VAMP7: variants seen among roughly 807,000 people sequenced by gnomAD.
VAMP7 encodes vesicle associated membrane protein 7, also known as vesicle-associated membrane protein 7.
A neutral mutation model predicts 29.6 loss-of-function variants in VAMP7; 14 were observed. That is an observed-to-expected ratio of 0.47 (90% CI 0.31 to 0.74). The LOEUF (loss-of-function observed/expected upper bound fraction) is 0.74, where lower values mean the gene tolerates loss of function less well. VAMP7 is among the 30% of genes least tolerant of loss of function. The pLI is 0.05. For synonymous variants in VAMP7, 95 were observed against 88.1 expected (o/e 1.08, Z -0.44); for missense variants, 223 against 262.4 (o/e 0.85, Z 1.04).
chrX:155,899,026 TTATC>T (rs2124269830), intron 4 of VAMP7, among the ~76,000 whole-genome samples: 1 of 152,184 alleles, frequency 6.6e-6, no homozygotes, highest in South Asian at 2.1e-4. Flanking sequence ...CACAATTTGT[TTATC>T]CATCCACCTG....
intron 6 of VAMP7, among the ~76,000 whole-genome samples, chrX:155,932,224 G>T (rs1414715973): frequency 3.9e-5 from 6 of 152,280 alleles, no homozygotes; most frequent in South Asian, 2.1e-4. Flanking sequence ...CTTTAAAGTA[G>T]TTTTTTCCAA....
Position 155,941,978 on chromosome X carries a change from G to T in VAMP7, c.*27G>T, listed in dbSNP as rs766605651. 3.1e-6 allele frequency: 5 copies of T among 1,613,568 alleles called. No homozygotes were observed. In the Admixed American group the frequency reaches 5.0e-5, roughly 16 times the overall value. On this transcript the variant is annotated 3_prime_UTR_variant, in exon 8 of 8. Coordinates refer to ENST00000286448, the MANE Select transcript of VAMP7 (RefSeq NM_005638.6). ...AAAGAAGAAGTTACCATTAACCAAG[G>T]ATATGAGAGAACAAGGAGTTAAAAG... is the stretch of plus-strand genomic sequence containing the variant.
chrX:155,881,414 C>T lies in VAMP7; in HGVS notation c.-44C>T, dbSNP rs28413172. 29,399 of 152,218 alleles carry T rather than the reference C, an allele frequency of 0.19. 3,545 individuals are homozygous for T. Among genetic ancestry groups the T allele is most frequent in the Non-Finnish European group, 0.27 (18,356 of 68,050 alleles). 9.4% of individuals were successfully genotyped at this position (152,218 alleles called of 1,614,324 possible). ...CTGCACTGACCCGCGTCCCTCCGTC[C>T]CGAGCCCGCGCGCCCTCAGAGGGTG... is the stretch of plus-strand genomic sequence containing the variant. On this transcript the variant is annotated 5_prime_UTR_variant, in exon 1 of 8. Transcript: ENST00000286448.
At chrX:155,884,348 A>G (rs902237348) in intron 1 of VAMP7, among the ~76,000 whole-genome samples, 2 of 151,854 alleles carry the variant, frequency 1.3e-5, no homozygotes, top group African/African-American at 4.8e-5. Context: ...GCTGGTCTCG[A>G]ACTCCTGACC....
At chrX:155,928,284 A>G (rs1239775210) in intron 6 of VAMP7, among the ~76,000 whole-genome samples, 1 of 152,162 alleles carries the variant, frequency 6.6e-6, no homozygotes, top group African/African-American at 2.4e-5. Flanking sequence ...ATATATGGTT[A>G]TTAGCTTTCT....
chrX:155,931,828 T>C (rs193029038), intron 6 of VAMP7, among the ~76,000 whole-genome samples: 1 of 152,206 alleles, frequency 6.6e-6, no homozygotes, highest in East Asian at 1.9e-4. Flanking sequence ...TTCTAGGGTT[T>C]TTATGGTTTT....
chrX:155,941,926 C>T lies in VAMP7; in HGVS notation c.638C>T (p.Thr213Ile). The change falls in exon 8 of 8, where the codon ACA (threonine) becomes ATA (isoleucine). Residue 213 changes from threonine to isoleucine, a missense_variant. Thr to Ile is a moderately conservative substitution (Grantham distance 89). Transcript: ENST00000286448. The stretch of plus-strand genomic sequence containing the variant: ...GTTTCACCTCTCTGTGGTGGATTTA[C>T]ATGGCCAAGCTGTGTGAAGAAATAG... ...IIVSPLCGGF[T>I]WPSCVKK 2 of 1,613,760 alleles carry T rather than the reference C, an allele frequency of 1.2e-6. No homozygotes were observed. The highest frequency in any genetic ancestry group is 1.7e-6 in the Non-Finnish European group (2 of 1,179,788).
At chrX:155,938,135 C>T (rs2066689975) in intron 6 of VAMP7, among the ~76,000 whole-genome samples, 1 of 152,064 alleles carries the variant, frequency 6.6e-6, no homozygotes, top group Non-Finnish European at 1.5e-5. Context: ...TTTTTTATTA[C>T]TGTTATTCTA....
chrX:155,934,882 G>T (rs1015445846), intron 6 of VAMP7, among the ~76,000 whole-genome samples: 29 of 88,800 alleles, frequency 3.3e-4, no homozygotes, highest in Non-Finnish European at 6.1e-4. Flanking sequence ...AGGAGCTCTT[G>T]TAAGGCAGGC....
In VAMP7 at chrX:155,915,631, C is replaced by T. The variant is rs766850404; in HGVS notation, c.434-4182C>T. On this transcript the variant is annotated intron_variant, in intron 5 of 7. Coordinates refer to ENST00000286448, the MANE Select transcript of VAMP7 (RefSeq NM_005638.6). The stretch of plus-strand genomic sequence containing the variant: ...TTAATTTTGTTATTTACCCAGTAGT[C>T]ATTCAGGAACAGGTTGTTCATTTTC... Among the ~76,000 whole-genome samples the T allele has an allele frequency of 2.0e-5, 3 of 152,264 alleles. No homozygotes were observed. In the South Asian group the frequency reaches 6.2e-4, roughly 32 times the overall value.
chrX:155,890,149 G>T lies in VAMP7; in HGVS notation c.146+537G>T, dbSNP rs146266441. Among the ~76,000 whole-genome samples the T allele has an allele frequency of 1.4e-4, 21 of 152,070 alleles. 1 individual carries two copies. The East Asian group carries it at 2.5e-3, about 18-fold the overall frequency. Reference sequence around the variant, plus strand: ...CAGGTAGAGAAGTATGGAGGCATGAGATCATAGGGCGGGCATATTTAGGGA... The same window carrying T: ...CAGGTAGAGAAGTATGGAGGCATGATATCATAGGGCGGGCATATTTAGGGA... On this transcript the variant is annotated intron_variant, in intron 2 of 7. Transcript: ENST00000286448.
At chrX:155,881,765 CAG>C (rs1290740667) in intron 1 of VAMP7, among the ~76,000 whole-genome samples, 6 of 152,146 alleles carry the variant, frequency 3.9e-5, no homozygotes, top group Admixed American at 6.5e-5. Context: ...TTGAGATCGC[CAG>C]AGTCTTCTAA....
intron 6 of VAMP7, among the ~76,000 whole-genome samples, chrX:155,926,302 TTAGTA>T (rs1390590230): frequency 6.6e-6 from 1 of 152,232 alleles, no homozygotes; most frequent in Non-Finnish European, 1.5e-5. Flanking sequence ...AATCTGTTGT[TTAGTA>T]TAGCCACCTT....
At chrX:155,905,922 G>A (rs1030551771) in intron 5 of VAMP7, among the ~76,000 whole-genome samples, 25 of 152,010 alleles carry the variant, frequency 1.6e-4, no homozygotes, top group African/African-American at 6.0e-4. Flanking sequence ...ATTTCAGATA[G>A]CAAAAAAAGC....
chrX:155,898,329 G>A, intron 4 of VAMP7, 80 bp downstream of exon 4: 1 of 1,514,406 alleles, frequency 6.6e-7, no homozygotes, highest in African/African-American at 1.4e-5. Flanking sequence ...AGGGGGCCCT[G>A]ACCTGCAATA....
intron 5 of VAMP7, among the ~76,000 whole-genome samples, chrX:155,902,336 T>C (rs1228758158): frequency 1.3e-5 from 2 of 151,074 alleles, no homozygotes; most frequent in Non-Finnish European, 3.0e-5. Flanking sequence ...TGACTTCCTC[T>C]TTTCCTAATT....
chrX:155,913,801 T>G (rs2066272222), intron 5 of VAMP7, among the ~76,000 whole-genome samples: 1 of 152,176 alleles, frequency 6.6e-6, no homozygotes, highest in South Asian at 2.1e-4. Context: ...TGAAGTCAGG[T>G]AGCGTGATGT....
At chrX:155,926,875 G>A (rs1484145348) in intron 6 of VAMP7, among the ~76,000 whole-genome samples, 2 of 152,006 alleles carry the variant, frequency 1.3e-5, no homozygotes, top group Admixed American at 1.3e-4. Context: ...ATTGTGTCTC[G>A]GCAAATAGGG....
chrX:155,925,592 T>C (rs2066456128), intron 6 of VAMP7, among the ~76,000 whole-genome samples: 4 of 152,180 alleles, frequency 2.6e-5, no homozygotes, highest in South Asian at 2.1e-4. Context: ...AGTCAACATA[T>C]GCAAGATGAA....
Sources: gnomAD v4.1 joint callset for allele counts (sites outside exome capture counted in the v4.1 genomes callset) on GRCh38, gnomAD v4.1.1 for gene constraint, MANE v1.5 for transcripts, NCBI Gene and HGNC (gene_info 2026-07-23, HGNC 2026-07-21) for gene names.